Variants in PLD5 observed in about 807,000 individuals in gnomAD.
PLD5 encodes inactive phospholipase D5.
A neutral mutation model predicts 61.1 loss-of-function variants in PLD5; 36 were observed. The ratio of observed to expected loss-of-function variants is 0.59; its 90% CI spans 0.45 to 0.78. The LOEUF is 0.78. Among genes scored for constraint, PLD5 ranks in the 30% least tolerant of loss-of-function variants. PLD5 has a pLI of 0.00. For missense variants in PLD5, 515 were observed against 644.4 expected (o/e 0.80, Z 2.17); for synonymous variants, 243 against 242.8 (o/e 1.00, Z -0.01).
At chr1:242,191,172 AC>A (rs1668258454) in intron 5 of PLD5, among the ~76,000 whole-genome samples, 2 of 149,764 alleles carry the variant, frequency 1.3e-5, no homozygotes, top group African/African-American at 4.9e-5. Flanking sequence ...CATTCCACAT[AC>A]CTGCTTTTTT....
chr1:242,468,477 CA>C (rs899650136), intron 1 of PLD5, among the ~76,000 whole-genome samples: 10 of 152,218 alleles, frequency 6.6e-5, no homozygotes, highest in African/African-American at 2.4e-4. Flanking sequence ...TTTCACTCCT[CA>C]AATTAATTAA....
At chr1:242,350,143 C>T (rs1660391346) in intron 1 of PLD5, among the ~76,000 whole-genome samples, 1 of 152,030 alleles carries the variant, frequency 6.6e-6, no homozygotes, top group Admixed American at 6.6e-5. Flanking sequence ...GGAAATGGGC[C>T]CTCACCAGAT....
intron 6 of PLD5, among the ~76,000 whole-genome samples, chr1:242,115,775 A>G: frequency 6.6e-6 from 1 of 152,208 alleles, no homozygotes; most frequent in East Asian, 1.9e-4. Flanking sequence ...TGAGGGAGCT[A>G]TTAAGATGCC....
At chr1:242,493,676 G>A (rs1431885731) in intron 1 of PLD5, among the ~76,000 whole-genome samples, 2 of 152,140 alleles carry the variant, frequency 1.3e-5, no homozygotes, top group Admixed American at 6.5e-5. Context: ...TGGGCCCTGT[G>A]GGACTCAGAA....
chr1:242,234,982 G>A (rs956193441), intron 4 of PLD5, among the ~76,000 whole-genome samples: 1 of 152,016 alleles, frequency 6.6e-6, no homozygotes, highest in Non-Finnish European at 1.5e-5. Flanking sequence ...CCTGTGCCTT[G>A]GTTTTCTTCT....
At position 242,394,268 on chromosome 1, in the gene PLD5, GTA is replaced by G. The variant is rs759757359; in HGVS notation, c.190-46028_190-46027del. The stretch of plus-strand genomic sequence containing the variant: ...TATATGTGTATATATATGAGTATGA[GTA>G]TATATATGTGTATATATATGAGTAT... On this transcript the variant is annotated intron_variant, in intron 1 of 9. Coordinates refer to ENST00000536534, the MANE Select transcript of PLD5 (RefSeq NM_001372062.1). Among the ~76,000 whole-genome samples the G allele has an allele frequency of 3.4e-4, 31 of 91,554 alleles. 11 individuals carry two copies. The highest frequency in any genetic ancestry group is 4.9e-4 in the African/African-American group (10 of 20,386). 60.1% of individuals were successfully genotyped at this position (91,554 alleles called of 152,430 possible).
chr1:242,484,536 A>G (rs1667892535), intron 1 of PLD5, among the ~76,000 whole-genome samples: 1 of 152,190 alleles, frequency 6.6e-6, no homozygotes, highest in Non-Finnish European at 1.5e-5. Flanking sequence ...GAATAGACCA[A>G]TAACAGGCTC....
intron 5 of PLD5, among the ~76,000 whole-genome samples, chr1:242,138,038 C>T (rs1663878999): frequency 6.6e-6 from 1 of 152,092 alleles, no homozygotes; most frequent in African/African-American, 2.4e-5. Context: ...CCAAACATTA[C>T]CAGAACAATG....
intron 1 of PLD5, among the ~76,000 whole-genome samples, chr1:242,388,395 G>A (rs1403945812): frequency 1.3e-5 from 2 of 152,124 alleles, no homozygotes; most frequent in Non-Finnish European, 2.9e-5. Flanking sequence ...CTCAGAAGAC[G>A]CTTCAGTCAT....
At chr1:242,330,129 C>T (rs1467230864) in intron 2 of PLD5, among the ~76,000 whole-genome samples, 1 of 152,108 alleles carries the variant, frequency 6.6e-6, no homozygotes, top group Non-Finnish European at 1.5e-5. Flanking sequence ...CCAGGGGATT[C>T]TCCAACAGGC....
chr1:242,386,300 G>A (rs1196204944), intron 1 of PLD5, among the ~76,000 whole-genome samples: 1 of 152,104 alleles, frequency 6.6e-6, no homozygotes, highest in Non-Finnish European at 1.5e-5. Flanking sequence ...AATTACCTTA[G>A]AGGTGACTTG....
chr1:242,117,383 T>A (rs1238183699), intron 6 of PLD5, among the ~76,000 whole-genome samples: 1 of 76,066 alleles, frequency 1.3e-5, no homozygotes, highest in Admixed American at 1.7e-4. Flanking sequence ...ATCTCCTCCA[T>A]GAATTTTTTT....
At chr1:242,176,555 A>G (rs869050525) in intron 5 of PLD5, among the ~76,000 whole-genome samples, 2 of 152,186 alleles carry the variant, frequency 1.3e-5, no homozygotes, top group Non-Finnish European at 2.9e-5. Context: ...AGCACCAAAA[A>G]CAATGGAAAC....
Position 242,307,942 on chromosome 1 carries a change from C to T in PLD5, c.327-19412G>A, listed in dbSNP as rs1481064228. ...GGCTCCAGGGGATATAATTTCTCTA[C>T]TTGACGTGTCAATGGATTCTGACAT... On this transcript the variant is annotated intron_variant, in intron 2 of 9. Transcript: ENST00000536534. 5.9e-5 allele frequency among the ~76,000 whole-genome samples: 9 copies of T among 152,290 alleles called. No individual in the cohort carries two copies. In the East Asian group the frequency reaches 1.7e-3, roughly 29 times the overall value.
chr1:242,266,274 A>G (rs1481940567), intron 3 of PLD5, among the ~76,000 whole-genome samples: 1 of 152,084 alleles, frequency 6.6e-6, no homozygotes, highest in Non-Finnish European at 1.5e-5. Flanking sequence ...CCAGCTACTC[A>G]GGAGGCTGAG....
chr1:242,409,263 C>T (rs945193037), intron 1 of PLD5, among the ~76,000 whole-genome samples: 4 of 151,952 alleles, frequency 2.6e-5, no homozygotes, highest in Non-Finnish European at 5.9e-5. Flanking sequence ...ATAGCAAGTA[C>T]AATAAATACT....
At chr1:242,130,210 T>C (rs1663124715) in intron 5 of PLD5, among the ~76,000 whole-genome samples, 2 of 152,150 alleles carry the variant, frequency 1.3e-5, no homozygotes, top group African/African-American at 4.8e-5. Context: ...CGCCACCACA[T>C]GTAGCTGATT....
chr1:242,327,990 G>T (rs990179730), intron 2 of PLD5, among the ~76,000 whole-genome samples: 9 of 152,058 alleles, frequency 5.9e-5, no homozygotes, highest in African/African-American at 2.2e-4. Context: ...TGGGAAGACT[G>T]CTTAAGCCCA....
At chr1:242,329,096 C>T (rs1659011527) in intron 2 of PLD5, among the ~76,000 whole-genome samples, 1 of 152,042 alleles carries the variant, frequency 6.6e-6, no homozygotes, top group Non-Finnish European at 1.5e-5. Context: ...GCAACCTCTG[C>T]CTCCCAAGTT....
Sources: gnomAD v4.1 joint callset for allele counts (sites outside exome capture counted in the v4.1 genomes callset) on GRCh38, gnomAD v4.1.1 for gene constraint, MANE v1.5 for transcripts, NCBI Gene and HGNC (gene_info 2026-07-23, HGNC 2026-07-21) for gene names.